Variants in CERK observed in about 807,000 individuals in gnomAD.
CERK encodes ceramide kinase.
CERK carries 39 observed loss-of-function variants against 63.4 expected under a neutral mutation model. That is an observed-to-expected ratio of 0.61 (90% confidence interval 0.48 to 0.80). The LOEUF is 0.80. Among genes scored for constraint, CERK ranks in the 30% least tolerant of loss-of-function variants. The pLI, the probability that CERK is intolerant of heterozygous loss-of-function variation, is 0.00. For synonymous variants in CERK, 302 were observed against 280.0 expected (o/e 1.08, Z -0.78); for missense variants, 670 against 714.1 (o/e 0.94, Z 0.70).
intron 1 of CERK, among the ~76,000 whole-genome samples, chr22:46,724,011 A>G (rs1404637873): frequency 1.3e-5 from 2 of 152,166 alleles, no homozygotes; most frequent in South Asian, 2.1e-4. Flanking sequence ...TTTTTCAATA[A>G]AAGTGACACT....
intron 5 of CERK, among the ~76,000 whole-genome samples, chr22:46,709,809 T>C (rs1265836551): frequency 6.6e-6 from 1 of 152,182 alleles, no homozygotes; most frequent in Non-Finnish European, 1.5e-5. Flanking sequence ...CAGACTTGAG[T>C]ACATGAATTT....
At chr22:46,724,820 C>T (rs1455147592) in intron 1 of CERK, among the ~76,000 whole-genome samples, 1 of 152,078 alleles carries the variant, frequency 6.6e-6, no homozygotes, top group Non-Finnish European at 1.5e-5. Flanking sequence ...GAGATCGAGA[C>T]CACCCTGGCT....
intron 1 of CERK, among the ~76,000 whole-genome samples, chr22:46,724,463 T>C (rs2082907831): frequency 6.6e-6 from 1 of 152,118 alleles, no homozygotes; most frequent in South Asian, 2.1e-4. Flanking sequence ...GACAAGGGCT[T>C]CCTTGCTGAC....
intron 1 of CERK, among the ~76,000 whole-genome samples, chr22:46,731,354 C>A (rs992458102): frequency 6.6e-6 from 1 of 152,226 alleles, no homozygotes; most frequent in African/African-American, 2.4e-5. Context: ...CTCCACCCCC[C>A]GCCAAGGTGG....
chr22:46,725,431 G>A (rs1355973873), intron 1 of CERK, among the ~76,000 whole-genome samples: 1 of 152,104 alleles, frequency 6.6e-6, no homozygotes, highest in Non-Finnish European at 1.5e-5. Context: ...GAAGCAGAAG[G>A]AACTGCCCTC....
intron 10 of CERK, among the ~76,000 whole-genome samples, chr22:46,692,265 A>T (rs2082735593): frequency 6.6e-6 from 1 of 151,668 alleles, no homozygotes; most frequent in Admixed American, 6.6e-5. Context: ...ATCTCTACTA[A>T]AAATACAAAA....
At chr22:46,694,300 G>T (rs144609206) in intron 9 of CERK, among the ~76,000 whole-genome samples, 30 of 152,196 alleles carry the variant, frequency 2.0e-4, no homozygotes, top group African/African-American at 7.2e-4. Context: ...ATGCGGCCTG[G>T]GACAACTATG....
At chr22:46,692,789 C>T (rs9754427) in intron 10 of CERK, among the ~76,000 whole-genome samples, 9,715 of 151,330 alleles carry the variant, frequency 0.064, 541 homozygotes, top group East Asian at 0.25. Flanking sequence ...CCTGTAGTCC[C>T]AGCTACTAGG....
intron 5 of CERK, among the ~76,000 whole-genome samples, chr22:46,710,878 C>T (rs555699453): frequency 1.3e-5 from 2 of 152,360 alleles, no homozygotes; most frequent in South Asian, 4.1e-4. Flanking sequence ...AACAACCATT[C>T]TCGCCCAGCC....
In CERK at chr22:46,722,171, T is replaced by C. The variant is rs140268261; in HGVS notation, c.143-1156A>G. Among the ~76,000 whole-genome samples the C allele has an allele frequency of 2.2e-3, 342 of 152,348 alleles. 1 individual carries two copies. The highest frequency in any genetic ancestry group is 7.6e-3 in the African/African-American group (317 of 41,584). On this transcript the variant is annotated intron_variant, in intron 1 of 12. Transcript: ENST00000216264. ...TAGGTTGGCTATAAAACCTGCAATA[T>C]AGCTAAAATACCGTATTTTTGCCGT...
At position 46,707,078 on chromosome 22, in the gene CERK, T is replaced by G. The variant is rs945856805; in HGVS notation, c.715+765A>C. Among the ~76,000 whole-genome samples the G allele has an allele frequency of 2.6e-5, 4 of 152,090 alleles. No individual in the cohort carries two copies. In the East Asian group the frequency reaches 7.7e-4, roughly 29 times the overall value. ...ACTCTCGCTCCCATCCGGTGACCTGTGACCTCACCCCCAGTCCTCCTGTCT... is the reference window on the plus strand; with the variant it reads ...ACTCTCGCTCCCATCCGGTGACCTGGGACCTCACCCCCAGTCCTCCTGTCT... On this transcript the variant is annotated intron_variant, in intron 6 of 12. Transcript: ENST00000216264.
chr22:46,707,026 T>G (rs2082816293), intron 6 of CERK, among the ~76,000 whole-genome samples: 1 of 152,034 alleles, frequency 6.6e-6, no homozygotes, highest in African/African-American at 2.4e-5. Context: ...TCCCTTGCTT[T>G]GAGGCAAGGT....
Position 46,719,628 on chromosome 22 carries a change from C to T in CERK, c.379+458G>A, listed in dbSNP as rs139372165. 3.6e-3 allele frequency among the ~76,000 whole-genome samples: 549 copies of T among 152,178 alleles called. 4 individuals carry two copies. The highest frequency in any genetic ancestry group is 0.012 in the African/African-American group (514 of 41,496). ...TGGTGGTTGCAGTGAGCTGAGATCG[C>T]GCCACTGAACTCCAGCCTGAGCAAC... On this transcript the variant is annotated intron_variant, in intron 3 of 12. Coordinates refer to ENST00000216264, the MANE Select transcript of CERK (RefSeq NM_022766.6).
intron 12 of CERK, among the ~76,000 whole-genome samples, chr22:46,687,845 T>C (rs1049859078): frequency 1.3e-5 from 2 of 152,196 alleles, no homozygotes; most frequent in African/African-American, 4.8e-5. Flanking sequence ...TTATCTCATT[T>C]ATTAATGATA....
chr22:46,710,557 A>C (rs1263915578), intron 5 of CERK, among the ~76,000 whole-genome samples: 4 of 152,226 alleles, frequency 2.6e-5, no homozygotes, highest in African/African-American at 9.6e-5. Flanking sequence ...TTTACCTTAA[A>C]AATGTAGATG....
intron 12 of CERK, among the ~76,000 whole-genome samples, chr22:46,687,672 G>A (rs1326703913): frequency 6.6e-6 from 1 of 150,698 alleles, no homozygotes; most frequent in Non-Finnish European, 1.5e-5. Flanking sequence ...TGTAAGAGAT[G>A]TGTGAGGAAT....
At chr22:46,720,001 G>T in intron 3 of CERK, 85 bp downstream of exon 3, 1 of 1,532,818 alleles carries the variant, frequency 6.5e-7, no homozygotes, top group Non-Finnish European at 8.8e-7. Flanking sequence ...TGCACGAAAC[G>T]GGGAGACACT....
In CERK at chr22:46,690,260, G is replaced by A; in HGVS notation, c.1333-60C>T. On this transcript the variant is annotated intron_variant, in intron 11 of 12. Transcript: ENST00000216264. The stretch of plus-strand genomic sequence containing the variant: ...TAAACGTCATCGTCTGGGTGGGGCA[G>A]CAGAACACCCCAGGCCTGACAGCGA... The A allele has an allele frequency of 2.8e-6, 4 of 1,430,130 alleles. No individual in the cohort carries two copies. The East Asian group carries it at 9.1e-5, about 33-fold the overall frequency. 88.6% of individuals were successfully genotyped at this position (1,430,130 alleles called of 1,614,324 possible). A position where few individuals can be genotyped will look rare whatever the true frequency, so the allele number is the denominator to read the frequency against.
chr22:46,708,145 C>T (rs1046464611), intron 5 of CERK, among the ~76,000 whole-genome samples, 157 bp from the exon 6 acceptor site: 6 of 152,166 alleles, frequency 3.9e-5, no homozygotes, highest in Non-Finnish European at 8.8e-5. Context: ...GTGATAAGGT[C>T]GTGCCTCTGT....
Sources: allele counts gnomAD v4.1 joint callset (sites outside exome capture counted in the v4.1 genomes callset), GRCh38; gene constraint gnomAD v4.1.1; transcripts MANE v1.5; gene names NCBI Gene and HGNC (gene_info 2026-07-23, HGNC 2026-07-21).